Variants in SRP72 observed in about 807,000 individuals in gnomAD.
SRP72 encodes the protein signal recognition particle subunit SRP72.
SRP72 carries 49 observed loss-of-function variants against 96.3 expected under a neutral mutation model. The observed-to-expected ratio is 0.51, with a 90% CI of 0.40 to 0.65. SRP72 has a LOEUF of 0.65. SRP72 is among the 30% of genes least tolerant of loss of function. The probability of loss-of-function intolerance (pLI) is 0.00; values close to 1 mark genes in which losing one functional copy is unlikely to be tolerated. For missense variants in SRP72, 736 were observed against 793.3 expected (o/e 0.93, Z 0.87); for synonymous variants, 267 against 275.2 (o/e 0.97, Z 0.30).
intron 6 of SRP72, 63 bp downstream of exon 6, chr4:56,476,765 C>T (rs1271476046): frequency 6.6e-7 from 1 of 1,523,276 alleles, no homozygotes; most frequent in African/African-American, 1.4e-5. Flanking sequence ...ATTACTGAGG[C>T]TTCATTGTAC....
Position 56,474,402 on chromosome 4 carries a change from T to C in SRP72, c.610+11T>C, listed in dbSNP as rs558553825. Reference sequence around the variant, plus strand: ...TACAAAAAGCTGAAGGTTGGAAGTTTGTTAAACTTATCTGTAAATATAACG... The same window carrying C: ...TACAAAAAGCTGAAGGTTGGAAGTTCGTTAAACTTATCTGTAAATATAACG... On this transcript the variant is annotated intron_variant, in intron 5 of 18. Coordinates refer to ENST00000642900, the MANE Select transcript of SRP72 (RefSeq NM_006947.4). 1.1e-4 allele frequency: 170 copies of C among 1,607,778 alleles called. 1 individual carries two copies. The South Asian group carries it at 1.9e-3, about 18-fold the overall frequency.
intron 16 of SRP72, among the ~76,000 whole-genome samples, chr4:56,494,076 G>T (rs925156659): frequency 6.6e-6 from 1 of 152,146 alleles, no homozygotes; most frequent in Non-Finnish European, 1.5e-5. Flanking sequence ...GGCAAAGGGT[G>T]AGCTAAGGCA....
intron 14 of SRP72, 27 bp from the exon 15 acceptor site, chr4:56,490,541 C>A: frequency 6.2e-7 from 1 of 1,607,928 alleles, no homozygotes; most frequent in Non-Finnish European, 8.5e-7. Flanking sequence ...ATAAACAGTT[C>A]AATAATTTTC....
chr4:56,476,772 G>A, intron 6 of SRP72, 70 bp downstream of exon 6: 9 of 1,517,596 alleles, frequency 5.9e-6, no homozygotes, highest in East Asian at 4.6e-5. Context: ...AGGCTTCATT[G>A]TACTATTTAT....
At chr4:56,477,849 G>A (rs931982636) in intron 6 of SRP72, among the ~76,000 whole-genome samples, 4 of 152,154 alleles carry the variant, frequency 2.6e-5, no homozygotes, top group African/African-American at 9.7e-5. Context: ...TACAGAATTT[G>A]TTCAATTACA....
Position 56,467,641 on chromosome 4 carries a change from G to C in SRP72, c.6G>C (p.Ala2=). 1 of 1,559,114 alleles carries C rather than the reference G, an allele frequency of 6.4e-7. No homozygotes were observed. Among genetic ancestry groups the C allele is most frequent in the Non-Finnish European group, 8.7e-7 (1 of 1,154,100 alleles). ...CGCCCCTCGTCTCCTCCAAGATGGC[G>C]AGCGGCGGCAGCGGGGGGGTGTCAG... The part of the protein sequence containing the change: M[A]SGGSGGVSVP... Residue 2 remains alanine (A), a synonymous_variant, in exon 1 of 19, where the codon GCG becomes GCC. Transcript: ENST00000642900.
At chr4:56,493,723 G>A (rs1021726576) in intron 16 of SRP72, among the ~76,000 whole-genome samples, 2 of 151,962 alleles carry the variant, frequency 1.3e-5, no homozygotes, top group Admixed American at 6.6e-5. Flanking sequence ...AAAATTAGCC[G>A]GGCGTAGTGA....
At chr4:56,495,680 A>G (rs963300110) in intron 17 of SRP72, among the ~76,000 whole-genome samples, 2 of 152,222 alleles carry the variant, frequency 1.3e-5, no homozygotes, top group Non-Finnish European at 2.9e-5. Flanking sequence ...ATGATAGTAT[A>G]TATCTTGTAG....
At chr4:56,500,233 G>A (rs1406530249) in intron 17 of SRP72, among the ~76,000 whole-genome samples, 1 of 152,048 alleles carries the variant, frequency 6.6e-6, no homozygotes, top group African/African-American at 2.4e-5. Flanking sequence ...GGAGGCTAGG[G>A]GAGGGATAGC....
At position 56,490,411 on chromosome 4, in the gene SRP72, A is replaced by G. The variant is rs139050510; in HGVS notation, c.1399A>G (p.Ile467Val). 74 of 1,614,076 alleles carry G rather than the reference A, an allele frequency of 4.6e-5. No homozygotes were observed. In the East Asian group the frequency reaches 7.1e-4, roughly 16 times the overall value. ...KLKYGRKKEA[I>V]SDLQQLWKQN... is the part of the protein sequence containing the mutation. ...CAAATATGGGCGGAAGAAGGAGGCAATTAGTGACCTACAACAGCTGTGGAA... is the reference window on the plus strand; with the variant it reads ...CAAATATGGGCGGAAGAAGGAGGCAGTTAGTGACCTACAACAGCTGTGGAA... Residue 467 changes from isoleucine (I) to valine (V), a missense_variant, in exon 14 of 19, where the codon ATT becomes GTT. Ile to Val is a conservative substitution (Grantham distance 29). This residue lies in a region of SRP72 where 388 missense variants were observed against 431.8 expected (regional missense o/e 0.90). Coordinates refer to ENST00000642900, the MANE Select transcript of SRP72 (RefSeq NM_006947.4).
chr4:56,467,921 C>T (rs1203014469), intron 1 of SRP72, among the ~76,000 whole-genome samples, 177 bp downstream of exon 1: 1 of 152,206 alleles, frequency 6.6e-6, no homozygotes, highest in Admixed American at 6.5e-5. Flanking sequence ...TCTCACTCCT[C>T]GGCTTCACCA....
chr4:56,468,798 C>T (rs1023901901), intron 1 of SRP72, among the ~76,000 whole-genome samples: 3 of 152,160 alleles, frequency 2.0e-5, no homozygotes, highest in Admixed American at 6.5e-5. Context: ...CCAACCAGTA[C>T]TGTATACTTA....
chr4:56,479,353 G>A (rs571251654), intron 8 of SRP72, among the ~76,000 whole-genome samples: 16 of 151,422 alleles, frequency 1.1e-4, no homozygotes, highest in African/African-American at 2.4e-4. Context: ...CTAATTTTTC[G>A]TATTTTTAGT....
In SRP72 at chr4:56,474,065, G is replaced by A. The variant is rs1720099497; in HGVS notation, c.366G>A (p.Leu122=). 1 of 1,613,596 alleles carries A rather than the reference G, an allele frequency of 6.2e-7. No individual in the cohort carries two copies. Among genetic ancestry groups the A allele is most frequent in the Non-Finnish European group, 8.5e-7 (1 of 1,179,854 alleles). Residue 122 remains leucine (L), a synonymous_variant, in exon 4 of 19, where the codon TTG becomes TTA. Coordinates refer to ENST00000642900, the MANE Select transcript of SRP72 (RefSeq NM_006947.4). ...TATTTATTATTCAGTTATACCGTTT[G>A]GAACGCTATGATGAATGCTTAGCAG... The part of the protein sequence containing the change: ...KELYGQVLYR[L]ERYDECLAVY...
chr4:56,478,722 T>G, intron 8 of SRP72, 73 bp downstream of exon 8: 1 of 1,452,890 alleles, frequency 6.9e-7, no homozygotes, highest in East Asian at 2.3e-5. Context: ...AGTTTTGTTC[T>G]AGGATAGCCT....
In SRP72 at chr4:56,474,035, C is replaced by T. The variant is rs1485578717; in HGVS notation, c.355-19C>T. ...CACCATATTTGTCTCTGATTTTTTACTTGCTATTTATTATTCAGTTATACC... is the reference window on the plus strand; with the variant it reads ...CACCATATTTGTCTCTGATTTTTTATTTGCTATTTATTATTCAGTTATACC... On this transcript the variant is annotated intron_variant, in intron 3 of 18. Coordinates refer to ENST00000642900, the MANE Select transcript of SRP72 (RefSeq NM_006947.4). The T allele has an allele frequency of 1.9e-6, 3 of 1,597,342 alleles. No homozygotes were observed. Among genetic ancestry groups the T allele is most frequent in the Middle Eastern group, 1.7e-4 (1 of 5,890 alleles).
At chr4:56,479,467 C>T (rs1342545615) in intron 8 of SRP72, among the ~76,000 whole-genome samples, 2 of 152,046 alleles carry the variant, frequency 1.3e-5, no homozygotes, top group Non-Finnish European at 2.9e-5. Flanking sequence ...GCGTGAGCCA[C>T]CGTGCCCGGC....
At chr4:56,476,726 C>A (rs1469893363) in intron 6 of SRP72, 24 bp downstream of exon 6, 2 of 1,610,656 alleles carry the variant, frequency 1.2e-6, no homozygotes, top group East Asian at 2.2e-5. Flanking sequence ...CATTGTTAAA[C>A]CTAAATTTTA....
intron 2 of SRP72, among the ~76,000 whole-genome samples, chr4:56,470,981 T>C (rs1369010453): frequency 1.3e-5 from 2 of 152,142 alleles, no homozygotes; most frequent in South Asian, 2.1e-4. Context: ...TTTGTAATTT[T>C]AGTAGAGACA....
Sources: allele counts gnomAD v4.1 joint callset (sites outside exome capture counted in the v4.1 genomes callset), GRCh38; gene constraint gnomAD v4.1.1; regional missense constraint gnomAD v4.1.1; transcripts MANE v1.5; gene names NCBI Gene and HGNC (gene_info 2026-07-23, HGNC 2026-07-21).